ST6GAL2: variants seen among roughly 807,000 people sequenced by gnomAD.
ST6GAL2 encodes ST6 beta-galactoside alpha-2,6-sialyltransferase 2.
A neutral mutation model predicts 37.5 loss-of-function variants in ST6GAL2; 24 were observed. The ratio of observed to expected loss-of-function variants is 0.64; its 90% CI spans 0.46 to 0.90. The LOEUF (loss-of-function observed/expected upper bound fraction) is 0.90. Among genes scored for constraint, ST6GAL2 ranks in the 40% least tolerant of loss-of-function variants. The probability of loss-of-function intolerance (pLI) is 0.00; values close to 1 mark genes in which losing one functional copy is unlikely to be tolerated. For synonymous variants in ST6GAL2, 306 were observed against 295.1 expected, an observed-to-expected ratio of 1.04 and a Z score of -0.38; for missense variants, 715 against 712.7, an observed-to-expected ratio of 1.00 and a Z score of -0.04.
intron 1 of ST6GAL2, among the ~76,000 whole-genome samples, chr2:106,867,347 T>C (rs962606412): frequency 2.0e-5 from 3 of 152,242 alleles, no homozygotes; most frequent in Admixed American, 6.5e-5. Context: ...ATGATTCCAC[T>C]GTTGGCAATC....
chr2:106,852,689 G>A (rs566933332), intron 1 of ST6GAL2, among the ~76,000 whole-genome samples: 1 of 152,214 alleles, frequency 6.6e-6, no homozygotes, highest in Non-Finnish European at 1.5e-5. Context: ...GAGGGGAAGG[G>A]TTCCTCATTT....
intron 5 of ST6GAL2, among the ~76,000 whole-genome samples, chr2:106,818,556 A>C (rs1461313182): frequency 1.3e-5 from 2 of 152,186 alleles, no homozygotes; most frequent in African/African-American, 4.8e-5. Context: ...GTGACCAAAA[A>C]CTTAGATCAT....
At chr2:106,848,043 C>CT (rs1170945878) in intron 1 of ST6GAL2, among the ~76,000 whole-genome samples, 3,878 of 140,106 alleles carry the variant, frequency 0.028, 55 homozygotes, top group Non-Finnish European at 0.036. Context: ...TTTTCTCTTT[C>CT]TTTTTTTTTT....
At chr2:106,845,681 G>C (rs1677115262) in intron 1 of ST6GAL2, among the ~76,000 whole-genome samples, 1 of 152,206 alleles carries the variant, frequency 6.6e-6, no homozygotes, top group Admixed American at 6.5e-5. Context: ...TGGTGGGAAA[G>C]GACGTGCTAA....
At chr2:106,883,315 C>T (rs1678828097) in intron 1 of ST6GAL2, among the ~76,000 whole-genome samples, 1 of 152,104 alleles carries the variant, frequency 6.6e-6, no homozygotes, top group Admixed American at 6.5e-5. Flanking sequence ...TACTTAATAA[C>T]ATTTAGAAAG....
Position 106,878,914 on chromosome 2 carries a change from C to T in ST6GAL2, c.-58+7179G>A, listed in dbSNP as rs138194864. ...ATTCGGGCAATTGAAAGACAGGGAT[C>T]GACATGGAGTAAAATGAGTTTGTTT... is the stretch of plus-strand genomic sequence containing the variant. On this transcript the variant is annotated intron_variant, in intron 1 of 5. Transcript: ENST00000409382. 4.3e-3 allele frequency among the ~76,000 whole-genome samples: 658 copies of T among 152,208 alleles called. 7 individuals carry two copies. Among genetic ancestry groups the T allele is most frequent in the Non-Finnish European group, 6.9e-3 (467 of 68,014 alleles).
At chr2:106,841,048 T>C (rs1207447381) in intron 2 of ST6GAL2, 2 of 152,256 alleles carry the variant, frequency 1.3e-5, no homozygotes, top group Non-Finnish European at 2.9e-5. Flanking sequence ...CAAGCTTATA[T>C]GACACATGGA....
At chr2:106,836,359 C>T (rs1376955379) in intron 2 of ST6GAL2, among the ~76,000 whole-genome samples, 1 of 152,080 alleles carries the variant, frequency 6.6e-6, no homozygotes. Context: ...TGTGAATATT[C>T]TTCTTTGATA....
chr2:106,835,329 C>T (rs115680800), intron 2 of ST6GAL2, among the ~76,000 whole-genome samples: 2 of 152,158 alleles, frequency 1.3e-5, no homozygotes, highest in South Asian at 2.1e-4. Context: ...CTAAGGCAGC[C>T]GCCTTCTTCC....
chr2:106,818,708 C>T (rs1401488384), intron 5 of ST6GAL2, among the ~76,000 whole-genome samples: 1 of 151,962 alleles, frequency 6.6e-6, no homozygotes, highest in Non-Finnish European at 1.5e-5. Context: ...GCCTCAAAAC[C>T]ATCCAGGAAA....
chr2:106,814,554 GTACCTTA>G (rs1054185359), intron 5 of ST6GAL2, among the ~76,000 whole-genome samples: 60 of 151,606 alleles, frequency 4.0e-4, no homozygotes, highest in Non-Finnish European at 8.8e-5. Context: ...ATTGGCAATT[GTACCTTA>G]AAAAGGAGTT....
chr2:106,824,202 T>A (rs1171664210), intron 5 of ST6GAL2, among the ~76,000 whole-genome samples: 1 of 152,238 alleles, frequency 6.6e-6, no homozygotes, highest in Admixed American at 6.5e-5. Flanking sequence ...GATTTACAGT[T>A]CACATTGTAA....
intron 4 of ST6GAL2, 83 bp from the exon 5 acceptor site, chr2:106,830,323 A>G (rs1676371178): frequency 1.7e-6 from 2 of 1,156,250 alleles, no homozygotes; most frequent in African/African-American, 3.1e-5. Context: ...GATTTGAGGC[A>G]GAGGGGCCAG....
chr2:106,838,316 C>T (rs553136029), intron 2 of ST6GAL2, among the ~76,000 whole-genome samples: 5 of 152,316 alleles, frequency 3.3e-5, no homozygotes, highest in African/African-American at 1.2e-4. Flanking sequence ...CCGGTCACCG[C>T]CCTGCCCCAG....
intron 5 of ST6GAL2, among the ~76,000 whole-genome samples, chr2:106,819,053 A>G (rs996835823): frequency 6.6e-6 from 1 of 152,114 alleles, no homozygotes; most frequent in African/African-American, 2.4e-5. Flanking sequence ...CAGAAGGGAC[A>G]AAAGTAAAAA....
At chr2:106,818,513 C>G (rs187395604) in intron 5 of ST6GAL2, among the ~76,000 whole-genome samples, 1 of 152,182 alleles carries the variant, frequency 6.6e-6, no homozygotes, top group Non-Finnish European at 1.5e-5. Context: ...TGTTACTGGG[C>G]TTGGGGTGCC....
chr2:106,804,257 G>C lies in ST6GAL2; in HGVS notation c.*2421C>G, dbSNP rs1268938546. 1.3e-5 allele frequency: 2 copies of C among 152,034 alleles called. No homozygotes were observed. Among genetic ancestry groups the C allele is most frequent in the Admixed American group, 1.3e-4 (2 of 15,272 alleles). 9.4% of individuals were successfully genotyped at this position (152,034 alleles called of 1,614,324 possible). A position where few individuals can be genotyped will look rare whatever the true frequency, so the allele number is the denominator to read the frequency against. On this transcript the variant is annotated 3_prime_UTR_variant, in exon 6 of 6. Transcript: ENST00000409382. Reference sequence around the variant, plus strand: ...AATCTTTAAAGTGTTGGGTTCTGAGGCTTTTGAACTTGAATATTTACACTG... The same window carrying C: ...AATCTTTAAAGTGTTGGGTTCTGAGCCTTTTGAACTTGAATATTTACACTG...
intron 5 of ST6GAL2, 145 bp downstream of exon 5, chr2:106,829,921 A>T (rs1676348252): frequency 1.2e-6 from 1 of 814,034 alleles, no homozygotes; most frequent in East Asian, 2.6e-5. Context: ...TCTGAAAAAA[A>T]AAAATCCAAA....
intron 5 of ST6GAL2, among the ~76,000 whole-genome samples, chr2:106,807,718 C>G (rs944825381): frequency 1.3e-5 from 2 of 151,552 alleles, no homozygotes; most frequent in Non-Finnish European, 2.9e-5. Context: ...CCCCCTTCCC[C>G]GATTCACGCC....
Sources: gnomAD v4.1 joint callset for allele counts (sites outside exome capture counted in the v4.1 genomes callset) on GRCh38, gnomAD v4.1.1 for gene constraint, MANE v1.5 for transcripts, NCBI Gene and HGNC (gene_info 2026-07-23, HGNC 2026-07-21) for gene names.